TICRR: variants seen among roughly 807,000 people sequenced by gnomAD.
TICRR encodes TOPBP1 interacting checkpoint and replication regulator.
In TICRR, 132 loss-of-function variants were observed where a neutral mutation model predicts 178.1. The observed-to-expected ratio is 0.74, with a 90% CI of 0.64 to 0.86. The LOEUF is 0.86. Ranked by LOEUF, TICRR falls within the 40% of genes least tolerant of loss-of-function variation. The pLI is 0.00. For synonymous variants in TICRR, 991 were observed against 900.7 expected, an observed-to-expected ratio of 1.10 and a Z score of -1.79; for missense variants, 2,587 against 2,334.3, an observed-to-expected ratio of 1.11 and a Z score of -2.23.
rs1962614894 is a variant in TICRR, at chr15:89,576,356, G to T, written c.654+116G>T. 4.1e-6 allele frequency: 4 copies of T among 977,714 alleles called. No individual in the cohort carries two copies. The East Asian group carries it at 1.1e-4, about 27-fold the overall frequency. The allele number at this position is 977,714 out of a possible 1,614,324, so 60.6% of individuals were successfully genotyped here. On this transcript the variant is annotated intron_variant, in intron 1 of 21. Transcript: ENST00000268138. Reference sequence around the variant, plus strand: ...CCGAATGAGACTAATATGACTATGCGTCCCTTCGGAAGGAAACAAATAAAT... The same window carrying T: ...CCGAATGAGACTAATATGACTATGCTTCCCTTCGGAAGGAAACAAATAAAT...
rs1387439817 is a variant in TICRR at position 89,575,662 on chromosome 15, G to T, written c.76G>T (p.Ala26Ser). ...GAARHSRVRR[A>S]ALRLLTYLSC... The stretch of plus-strand genomic sequence containing the variant: ...CGCCCGCCACAGCCGGGTCCGGCGG[G>T]CCGCCCTGCGCCTCCTCACCTATCT... The change falls in exon 1 of 22, where the codon GCC (alanine) becomes TCC (serine). Residue 26 changes from alanine to serine, a missense_variant. Coordinates refer to ENST00000268138, the MANE Select transcript of TICRR (RefSeq NM_152259.4). The T allele has an allele frequency of 6.3e-7, 1 of 1,577,440 alleles. No homozygotes were observed. The highest frequency in any genetic ancestry group is 8.6e-7 in the Non-Finnish European group (1 of 1,164,146).
chr15:89,627,792 C>T lies in TICRR; in HGVS notation c.*706C>T, dbSNP rs1298766345. 6.6e-6 allele frequency: 1 copy of T among 152,424 alleles called. No individual in the cohort carries two copies. Among genetic ancestry groups the T allele is most frequent in the Non-Finnish European group, 1.5e-5 (1 of 68,306 alleles). 9.4% of individuals were successfully genotyped at this position (152,424 alleles called of 1,614,324 possible). A position where few individuals can be genotyped will look rare whatever the true frequency, so the allele number is the denominator to read the frequency against. On this transcript the variant is annotated 3_prime_UTR_variant, in exon 22 of 22. Transcript: ENST00000268138. Reference sequence around the variant, plus strand: ...CATCGTTTCCACCAAGAGTGCCCCACAGGAGTGCCCCACAGACCCGCTGGA... The same window carrying T: ...CATCGTTTCCACCAAGAGTGCCCCATAGGAGTGCCCCACAGACCCGCTGGA...
At chr15:89,605,924 A>AT (rs1267031571) in intron 13 of TICRR, among the ~76,000 whole-genome samples, 10 of 152,240 alleles carry the variant, frequency 6.6e-5, no homozygotes, top group African/African-American at 2.4e-4. Context: ...TAGCAAGTAC[A>AT]TAGCAGTCTG....
chr15:89,625,774 GTGTT>G lies in TICRR; in HGVS notation c.5470_5473del (p.Val1824ProfsTer23), dbSNP rs1249065300. 1.2e-6 allele frequency: 2 copies of G among 1,602,402 alleles called. No homozygotes were observed. The highest frequency in any genetic ancestry group is 2.2e-5 in the East Asian group (1 of 44,660). Reference sequence around the variant, plus strand: ...GCTACCCTCCACGGGAGACGAAGAGGTGTTTGTTTCCGGTGAGTTCGTTTTTGAA... The same window carrying G: ...GCTACCCTCCACGGGAGACGAAGAGGTGTTTCCGGTGAGTTCGTTTTTGAA... On this transcript the variant is annotated frameshift_variant, in exon 20 of 22. Coordinates refer to ENST00000268138, the MANE Select transcript of TICRR (RefSeq NM_152259.4). LOFTEE classifies it high-confidence loss of function.
intron 21 of TICRR, among the ~76,000 whole-genome samples, 158 bp downstream of exon 21, chr15:89,626,219 ACT>A (rs967625622): frequency 6.6e-6 from 1 of 151,784 alleles, no homozygotes; most frequent in South Asian, 2.1e-4. Flanking sequence ...TCCCAGAGAA[ACT>A]CCACATTAGA....
At chr15:89,576,844 T>C (rs1338996457) in intron 1 of TICRR, among the ~76,000 whole-genome samples, 9 of 139,648 alleles carry the variant, frequency 6.4e-5, no homozygotes, top group African/African-American at 2.2e-4. Flanking sequence ...TATATATATA[T>C]ATATATATAT....
intron 7 of TICRR, 41 bp from the exon 8 acceptor site, chr15:89,599,283 G>A (rs554702190): frequency 6.6e-7 from 1 of 1,522,302 alleles, no homozygotes; most frequent in Non-Finnish European, 8.9e-7. Flanking sequence ...AAGGACTTGA[G>A]CAAGATATGA....
At chr15:89,600,562 A>C in intron 8 of TICRR, 23 bp from the exon 9 acceptor site, 1 of 1,133,622 alleles carries the variant, frequency 8.8e-7, no homozygotes, top group African/African-American at 1.6e-5. Flanking sequence ...CTATTCTCCT[A>C]TGTAATAATT....
At position 89,619,634 on chromosome 15, in the gene TICRR, C is replaced by T. The variant is rs564846975; in HGVS notation, c.3020-74C>T. On this transcript the variant is annotated intron_variant, in intron 17 of 21. Coordinates refer to ENST00000268138, the MANE Select transcript of TICRR (RefSeq NM_152259.4). ...TATGTGGTACTATGTAAATTTTGCCCGGTTTTGGACAACATGAGAAAATGT... is the reference window on the plus strand; with the variant it reads ...TATGTGGTACTATGTAAATTTTGCCTGGTTTTGGACAACATGAGAAAATGT... 333 of 1,520,928 alleles carry T rather than the reference C, an allele frequency of 2.2e-4. 1 individual carries two copies. The highest frequency in any genetic ancestry group is 2.8e-4 in the Non-Finnish European group (322 of 1,132,688). The allele number at this position is 1,520,928 out of a possible 1,614,324, so 94.2% of individuals were successfully genotyped here.
intron 4 of TICRR, among the ~76,000 whole-genome samples, chr15:89,588,729 T>A (rs1044668593): frequency 2.0e-5 from 3 of 151,902 alleles, no homozygotes; most frequent in Non-Finnish European, 4.4e-5. Context: ...GTTGGTAGCA[T>A]CAAATGTGTG....
At chr15:89,606,681 G>T in intron 13 of TICRR, 87 bp from the exon 14 acceptor site, 1 of 1,031,938 alleles carries the variant, frequency 9.7e-7, no homozygotes, top group Non-Finnish European at 1.5e-6. Context: ...TGAATTACAA[G>T]AGTCAAAGAG....
intron 4 of TICRR, among the ~76,000 whole-genome samples, chr15:89,590,880 A>C (rs1424464974): frequency 6.6e-6 from 1 of 152,158 alleles, no homozygotes; most frequent in East Asian, 1.9e-4. Context: ...AGACTTCATT[A>C]ATGTCTAACA....
At chr15:89,626,896 A>T in intron 21 of TICRR, 60 bp from the exon 22 acceptor site, 1 of 1,581,094 alleles carries the variant, frequency 6.3e-7, no homozygotes, top group Non-Finnish European at 8.6e-7. Context: ...ATTTAAGCCA[A>T]TTTTTTTCAG....
chr15:89,609,403 C>G (rs1963224128), intron 15 of TICRR, among the ~76,000 whole-genome samples: 1 of 151,874 alleles, frequency 6.6e-6, no homozygotes, highest in African/African-American at 2.4e-5. Flanking sequence ...CATGAGCCAC[C>G]ACACCCAGTC....
chr15:89,604,439 A>G (rs1340497100), intron 13 of TICRR, among the ~76,000 whole-genome samples: 4 of 152,202 alleles, frequency 2.6e-5, no homozygotes, highest in African/African-American at 9.7e-5. Flanking sequence ...ACACTTTGAA[A>G]CTTTGGTTTT....
At chr15:89,585,243 G>A (rs115854990) in intron 3 of TICRR, among the ~76,000 whole-genome samples, 3,076 of 152,234 alleles carry the variant, frequency 0.02, 94 homozygotes, top group African/African-American at 0.066. Context: ...TCTGGATTAG[G>A]TCTCAGCTCT....
At chr15:89,595,807 G>A (rs575062052) in intron 7 of TICRR, among the ~76,000 whole-genome samples, 196 bp downstream of exon 7, 5 of 152,260 alleles carry the variant, frequency 3.3e-5, no homozygotes, top group African/African-American at 9.6e-5. Context: ...AGGTTGTGGT[G>A]AGCCGAGATT....
chr15:89,617,931 A>G lies in TICRR; in HGVS notation c.2961-221A>G, dbSNP rs185025903. ...GGTCTCGAACTCCTGACCTCAAGTG[A>G]TCCGCCCGCCTTAGCCTCCTAAGGT... is the stretch of plus-strand genomic sequence containing the variant. On this transcript the variant is annotated intron_variant, in intron 16 of 21. Coordinates refer to ENST00000268138, the MANE Select transcript of TICRR (RefSeq NM_152259.4). The G allele has an allele frequency of 9.3e-6, 5 of 538,300 alleles. No individual in the cohort carries two copies. The Admixed American group carries it at 1.2e-4, about 13-fold the overall frequency. The allele number at this position is 538,300 out of a possible 1,614,324, so 33.3% of individuals were successfully genotyped here. A position where few individuals can be genotyped will look rare whatever the true frequency, so the allele number is the denominator to read the frequency against.
At position 89,575,519 on chromosome 15, in the gene TICRR, T is replaced by C; in HGVS notation, c.-68T>C. The C allele has an allele frequency of 7.2e-7, 1 of 1,394,496 alleles. No individual in the cohort carries two copies. The highest frequency in any genetic ancestry group is 9.4e-7 in the Non-Finnish European group (1 of 1,068,436). 86.4% of individuals were successfully genotyped at this position (1,394,496 alleles called of 1,614,324 possible). On this transcript the variant is annotated 5_prime_UTR_variant, in exon 1 of 22. Coordinates refer to ENST00000268138, the MANE Select transcript of TICRR (RefSeq NM_152259.4). The stretch of plus-strand genomic sequence containing the variant: ...AAAGCAGTGAGTGGTGCTGTTTCCC[T>C]GAAGGAAGGGACTAAGGGACGGTGG...
Sources: gnomAD v4.1 joint callset for allele counts (sites outside exome capture counted in the v4.1 genomes callset) on GRCh38, gnomAD v4.1.1 for gene constraint, MANE v1.5 for transcripts, NCBI Gene and HGNC (gene_info 2026-07-23, HGNC 2026-07-21) for gene names.